MBD6: variants seen among roughly 807,000 people sequenced by gnomAD.
The protein encoded by MBD6 is methyl-CpG-binding domain protein 6.
Under a neutral mutation model 66.8 loss-of-function variants are expected in MBD6, and 22 were observed. That is an observed-to-expected ratio of 0.33 (90% CI 0.24 to 0.47). The LOEUF is 0.47. Ranked by LOEUF, MBD6 falls within the 20% of genes least tolerant of loss-of-function variation. The pLI is 1.00. For synonymous variants in MBD6, 540 were observed against 534.6 expected, an observed-to-expected ratio of 1.01 and a Z score of -0.14; for missense variants, 1,322 against 1,286.9, an observed-to-expected ratio of 1.03 and a Z score of -0.42.
intron 3 of MBD6, 148 bp downstream of exon 3, chr12:57,524,564 T>G: frequency 1.9e-6 from 2 of 1,042,704 alleles, no homozygotes; most frequent in Non-Finnish European, 2.9e-6. Context: ...TCTGTAGCTC[T>G]GGGCCTTTGA....
At chr12:57,529,114 A>G in intron 12 of MBD6, 46 bp from the exon 13 acceptor site, 1 of 1,613,220 alleles carries the variant, frequency 6.2e-7, no homozygotes, top group Non-Finnish European at 8.5e-7. Flanking sequence ...AGACTTCCTG[A>G]TACCTAGCAA....
At chr12:57,528,849 C>A in intron 11 of MBD6, 97 bp from the exon 12 acceptor site, 1 of 1,601,964 alleles carries the variant, frequency 6.2e-7, no homozygotes, top group South Asian at 1.1e-5. Context: ...GGATATTATG[C>A]CTTTACTATC....
chr12:57,524,929 C>G (rs375118189), intron 4 of MBD6, 24 bp from the exon 5 acceptor site: 5 of 1,601,026 alleles, frequency 3.1e-6, no homozygotes, highest in Non-Finnish European at 4.3e-6. Flanking sequence ...CTCAGGGTCC[C>G]TGTCCTTGCT....
chr12:57,530,851 TGAGA>T (rs747905457), downstream of MBD6: 41 of 1,258,790 alleles, frequency 3.3e-5, no homozygotes, highest in South Asian at 4.9e-5. Flanking sequence ...AGGAATTCTC[TGAGA>T]GAGAAGACAA....
At position 57,525,927 on chromosome 12, in the gene MBD6, C is replaced by T. The variant is rs1235662406; in HGVS notation, c.959C>T (p.Ala320Val). The change falls in exon 6 of 13, where the codon GCT becomes GTT. Residue 320 changes from alanine to valine, a missense_variant. Physicochemically the swap from Ala to Val is moderately conservative, Grantham distance 64. Coordinates refer to ENST00000355673, the MANE Select transcript of MBD6 (RefSeq NM_052897.4). The part of the protein sequence containing the change: ...VEGPGAPPFL[A>V]SSLLSAAAKA... ...GGGCCTGGGGCACCCCCCTTCCTTG[C>T]TAGCAGCCTACTCTCTGCAGCGGCC... 1 of 1,613,198 alleles carries T rather than the reference C, an allele frequency of 6.2e-7. No homozygotes were observed. The highest frequency in any genetic ancestry group is 1.7e-5 in the Admixed American group (1 of 59,978).
chr12:57,524,355 G>A lies in MBD6; in HGVS notation c.52G>A (p.Ala18Thr). Residue 18 changes from alanine (A) to threonine (T), a missense_variant, in exon 3 of 13, where the codon GCC becomes ACC. Coordinates refer to ENST00000355673, the MANE Select transcript of MBD6 (RefSeq NM_052897.4). The part of the protein sequence containing the change: ...SGADRAGGPV[A>T]TSVPIGWQRC... Reference sequence around the variant, plus strand: ...AGCAGACAGAGCTGGGGGCCCTGTGGCCACATCTGTCCCCATCGGCTGGCA... The same window carrying A: ...AGCAGACAGAGCTGGGGGCCCTGTGACCACATCTGTCCCCATCGGCTGGCA... 2 of 1,598,066 alleles carry A rather than the reference G, an allele frequency of 1.3e-6. No homozygotes were observed. The highest frequency in any genetic ancestry group is 1.7e-6 in the Non-Finnish European group (2 of 1,172,202).
chr12:57,530,597 CTAGAGTTATAG>C, downstream of MBD6: 1 of 1,141,504 alleles, frequency 8.8e-7, no homozygotes, highest in Non-Finnish European at 1.3e-6. Context: ...GATGGGGATG[CTAGAGTTATAG>C]TAAAGGGGAA....
At chr12:57,524,234 C>T (rs185453300) in intron 2 of MBD6, 46 bp from the exon 3 acceptor site, 4 of 1,232,528 alleles carry the variant, frequency 3.2e-6, no homozygotes, top group East Asian at 4.8e-5. Flanking sequence ...AGGTACTTCG[C>T]TCAGTTTAAT....
chr12:57,522,026 G>C (rs1225451946), upstream of MBD6: 1 of 152,246 alleles, frequency 6.6e-6, no homozygotes, highest in Non-Finnish European at 1.5e-5. Flanking sequence ...GCACCACCCA[G>C]AATGCAAAGT....
At position 57,524,841 on chromosome 12, in the gene MBD6, G is replaced by T. The variant is rs781571009; in HGVS notation, c.216+19G>T. The T allele has an allele frequency of 1.2e-6, 2 of 1,613,576 alleles. No individual in the cohort carries two copies. The highest frequency in any genetic ancestry group is 1.7e-6 in the Non-Finnish European group (2 of 1,179,584). On this transcript the variant is annotated intron_variant, in intron 4 of 12. Transcript: ENST00000355673. ...CCCCAAGGTCAGAGTGGTGAGGGGCGCCTGAGAGTACAGAGATAAGCTAAA... is the reference window on the plus strand; with the variant it reads ...CCCCAAGGTCAGAGTGGTGAGGGGCTCCTGAGAGTACAGAGATAAGCTAAA...
chr12:57,527,851 A>G lies in MBD6; in HGVS notation c.2240A>G (p.Asp747Gly), dbSNP rs1263442767. ...SPLLGASLLG[D>G]LSSLTSSPGA... ...CCTGACTATAATTTCTCAACAGGTG[A>G]CCTGTCTTCACTGACCAGCAGCCCT... The change falls in exon 9 of 13, where the codon GAC becomes GGC. Residue 747 changes from aspartate to glycine, a missense_variant. Coordinates refer to ENST00000355673, the MANE Select transcript of MBD6 (RefSeq NM_052897.4). 6.2e-7 allele frequency: 1 copy of G among 1,613,016 alleles called. No homozygotes were observed. The highest frequency in any genetic ancestry group is 8.5e-7 in the Non-Finnish European group (1 of 1,179,862).
chr12:57,527,638 T>TCTGCTGGGTGCCAGC lies in MBD6; in HGVS notation c.2225_2236+3dup. 1 of 1,604,626 alleles carries TCTGCTGGGTGCCAGC rather than the reference T, an allele frequency of 6.2e-7. No homozygotes were observed. Among genetic ancestry groups the TCTGCTGGGTGCCAGC allele is most frequent in the Non-Finnish European group, 8.5e-7 (1 of 1,175,716 alleles). ...GGAGACCCCCCCAACTCCTTAGCCC[T>TCTGCTGGGTGCCAGC]CTGCTGGGTGCCAGCCTGCTGGGTG... On this transcript the variant is annotated inframe_insertion, in exon 8 of 13. Transcript: ENST00000355673.
At position 57,528,430 on chromosome 12, in the gene MBD6, G is replaced by A. The variant is rs749093077; in HGVS notation, c.2690G>A (p.Gly897Asp). The change falls in exon 10 of 13, where the codon GGT (glycine) becomes GAT (aspartate). Residue 897 changes from glycine to aspartate, a missense_variant. Transcript: ENST00000355673. ...CTGGCCCTCAAATGGGGGACACGTG[G>A]TGGCTTCAATGGACAAATGGAAAGG... Reference protein sequence around the residue: ...GRLALKWGTRGGFNGQMERSP... With the variant: ...GRLALKWGTRDGFNGQMERSP... 6.2e-7 allele frequency: 1 copy of A among 1,613,570 alleles called. No individual in the cohort carries two copies. The highest frequency in any genetic ancestry group is 8.5e-7 in the Non-Finnish European group (1 of 1,180,004).
chr12:57,526,052 T>C lies in MBD6; in HGVS notation c.1084T>C (p.Ser362Pro). 2 of 1,613,268 alleles carry C rather than the reference T, an allele frequency of 1.2e-6. No homozygotes were observed. Among genetic ancestry groups the C allele is most frequent in the Non-Finnish European group, 1.7e-6 (2 of 1,179,830 alleles). The change falls in exon 6 of 13, where the codon TCT becomes CCT. Residue 362 changes from serine to proline, a missense_variant. By Grantham distance (74) the Ser-to-Pro change is moderately conservative. Transcript: ENST00000355673. The part of the protein sequence containing the change: ...SASHSSSLRP[S>P]QRRPRRPPTV... ...TTCCCACTCCTCATCACTTCGTCCC[T>C]CTCAGCGTCGTCCCCGCAGACCCCC... is the stretch of plus-strand genomic sequence containing the variant.
chr12:57,528,074 T>C lies in MBD6; in HGVS notation c.2406+57T>C, dbSNP rs759800841. The C allele has an allele frequency of 5.2e-4, 796 of 1,531,170 alleles. 4 individuals are homozygous for C. The highest frequency in any genetic ancestry group is 1.6e-3 in the South Asian group (128 of 77,670). The allele number at this position is 1,531,170 out of a possible 1,614,324, so 94.8% of individuals were successfully genotyped here. A position where few individuals can be genotyped will look rare whatever the true frequency, so the allele number is the denominator to read the frequency against. ...ATAATTTTTTCTCAAACTGGAAATT[T>C]AGGGCTTTCTGAGTTATAGTAGAAG... On this transcript the variant is annotated intron_variant, in intron 9 of 12. Transcript: ENST00000355673.
In MBD6 at chr12:57,528,269, C is replaced by A. The variant is rs767924695; in HGVS notation, c.2529C>A (p.Pro843=). The A allele has an allele frequency of 5.6e-6, 9 of 1,605,288 alleles. No individual in the cohort carries two copies. The highest frequency in any genetic ancestry group is 7.7e-6 in the Non-Finnish European group (9 of 1,175,890). Residue 843 remains proline, a synonymous_variant, in exon 10 of 13, where the codon CCC becomes CCA. Transcript: ENST00000355673. ...ALAPPHGSPD[P]PVPELLTGRG... The stretch of plus-strand genomic sequence containing the variant: ...CCCCACCCCATGGTTCTCCCGACCC[C>A]CCAGTCCCTGAGCTGCTCACTGGGA...
chr12:57,529,428 ACCACC>A lies in MBD6; in HGVS notation c.*197_*201del, dbSNP rs1879391180. 5.0e-6 allele frequency: 2 copies of A among 404,028 alleles called. No homozygotes were observed. Among genetic ancestry groups the A allele is most frequent in the Non-Finnish European group, 8.8e-6 (2 of 228,294 alleles). The allele number at this position is 404,028 out of a possible 1,614,324, so 25.0% of individuals were successfully genotyped here. A position where few individuals can be genotyped will look rare whatever the true frequency, so the allele number is the denominator to read the frequency against. On this transcript the variant is annotated 3_prime_UTR_variant, in exon 13 of 13. Coordinates refer to ENST00000355673, the MANE Select transcript of MBD6 (RefSeq NM_052897.4). ...GGGGCAGGGAAGTTCACCCCCCCCC[ACCACC>A]CCCCCGCCCCCCCGAAGCCATGTCA...
chr12:57,525,056 C>G lies in MBD6; in HGVS notation c.320C>G (p.Ala107Gly), dbSNP rs1395164494. Residue 107 changes from alanine (A) to glycine (G), a missense_variant, in exon 5 of 13, where the codon GCT becomes GGT. Transcript: ENST00000355673. ...AAGCTGTGCAACCACCGGCGGAAAG[C>G]TGTTGCTATGGCAACTCTGTACCGC... Reference protein sequence around the residue: ...MTKLCNHRRKAVAMATLYRSM... With the variant: ...MTKLCNHRRKGVAMATLYRSM... The G allele has an allele frequency of 6.2e-7, 1 of 1,613,480 alleles. No homozygotes were observed. The highest frequency in any genetic ancestry group is 1.7e-5 in the Admixed American group (1 of 59,822).
downstream of MBD6, chr12:57,530,616 G>A (rs2140110376): frequency 7.6e-7 from 1 of 1,321,962 alleles, no homozygotes; most frequent in South Asian, 1.3e-5. Context: ...TAGTAAAGGG[G>A]AAACCCTATG....
Sources: gnomAD v4.1 joint callset for allele counts on GRCh38, gnomAD v4.1.1 for gene constraint, MANE v1.5 for transcripts, NCBI Gene and HGNC (gene_info 2026-07-23, HGNC 2026-07-21) for gene names.